ARHGAP6: variants seen among roughly 807,000 people sequenced by gnomAD.
ARHGAP6 encodes Rho GTPase activating protein 6.
ARHGAP6 carries 16 observed loss-of-function variants against 55.7 expected under a neutral mutation model. That is an observed-to-expected ratio of 0.29 (90% CI 0.19 to 0.44). The LOEUF is 0.44. ARHGAP6 is among the 20% of genes least tolerant of loss of function. ARHGAP6 has a pLI of 1.00. For synonymous variants in ARHGAP6, 382 were observed against 360.9 expected, an observed-to-expected ratio of 1.06 and a Z score of -0.66; for missense variants, 698 against 808.9, an observed-to-expected ratio of 0.86 and a Z score of 1.66.
chrX:11,567,553 CA>C (rs200460504), intron 1 of ARHGAP6, among the ~76,000 whole-genome samples: 7,395 of 71,723 alleles, frequency 0.1, 603 homozygotes, highest in Admixed American at 0.21. Flanking sequence ...GACTCCATCT[CA>C]AAAAAAAAAA....
intron 1 of ARHGAP6, among the ~76,000 whole-genome samples, chrX:11,609,364 A>G (rs1357974119): frequency 8.9e-6 from 1 of 112,041 alleles, no homozygotes; most frequent in African/African-American, 3.3e-5. Flanking sequence ...GCACTCTCTG[A>G]GAAACCAGAA....
At chrX:11,363,556 T>C (rs1473255040) in intron 1 of ARHGAP6, among the ~76,000 whole-genome samples, 1 of 112,103 alleles carries the variant, frequency 8.9e-6, no homozygotes, top group African/African-American at 3.2e-5. Flanking sequence ...CTCAGCAATG[T>C]AGAGGTAACT....
intron 1 of ARHGAP6, among the ~76,000 whole-genome samples, chrX:11,367,218 A>G (rs949388838): frequency 1.8e-5 from 2 of 112,271 alleles, no homozygotes; most frequent in African/African-American, 6.5e-5. Context: ...ATAGATGAGC[A>G]TGTGAACTAG....
At chrX:11,310,137 A>T (rs1603055181) in intron 1 of ARHGAP6, among the ~76,000 whole-genome samples, 1 of 95,465 alleles carries the variant, frequency 1.0e-5, no homozygotes, top group African/African-American at 4.0e-5. Context: ...TTCCAACCTA[A>T]GTGACAGAGT....
At chrX:11,573,071 G>T (rs1446154819) in intron 1 of ARHGAP6, among the ~76,000 whole-genome samples, 1 of 111,541 alleles carries the variant, frequency 9.0e-6, no homozygotes. Context: ...GTTCATTGTA[G>T]ATTCTGAATA....
chrX:11,580,398 C>T (rs890939630), intron 1 of ARHGAP6, among the ~76,000 whole-genome samples: 2 of 111,761 alleles, frequency 1.8e-5, no homozygotes, highest in African/African-American at 6.5e-5. Flanking sequence ...GCTGGTTCAG[C>T]CAGGGTCCCT....
At chrX:11,578,588 T>C (rs909765111) in intron 1 of ARHGAP6, among the ~76,000 whole-genome samples, 1 of 112,173 alleles carries the variant, frequency 8.9e-6, no homozygotes, top group African/African-American at 3.2e-5. Flanking sequence ...GAAGGGACTG[T>C]AAACCAGTTC....
intron 1 of ARHGAP6, among the ~76,000 whole-genome samples, chrX:11,392,345 C>T (rs1318691798): frequency 9.0e-6 from 1 of 111,384 alleles, no homozygotes; most frequent in Non-Finnish European, 1.9e-5. Context: ...CAACCCCACC[C>T]CATCACTCTC....
chrX:11,324,952 G>A (rs1035644912), intron 1 of ARHGAP6, among the ~76,000 whole-genome samples: 25 of 111,734 alleles, frequency 2.2e-4, no homozygotes, highest in Non-Finnish European at 4.5e-4. Context: ...TCCGCTTCCC[G>A]GGTTCACGCC....
Position 11,392,440 on chromosome X carries a change from C to T in ARHGAP6, c.589-137733G>A, listed in dbSNP as rs141927037. On this transcript the variant is annotated intron_variant, in intron 1 of 12. Transcript: ENST00000337414. ...TAAATGGCCAGTGAGCTCAAAGAAACCCACAACCATTCCCATGCCCTGCTG... is the reference window on the plus strand; with the variant it reads ...TAAATGGCCAGTGAGCTCAAAGAAATCCACAACCATTCCCATGCCCTGCTG... Among the ~76,000 whole-genome samples the T allele has an allele frequency of 5.4e-3, 603 of 111,614 alleles. 3 individuals carry two copies. Among genetic ancestry groups the T allele is most frequent in the African/African-American group, 0.019 (577 of 30,708 alleles).
intron 1 of ARHGAP6, among the ~76,000 whole-genome samples, chrX:11,311,392 A>G (rs757941496): frequency 1.0e-3 from 117 of 111,827 alleles, no homozygotes; most frequent in African/African-American, 3.5e-3. Context: ...GCCCTTGAAC[A>G]TTATTTTCTT....
intron 1 of ARHGAP6, among the ~76,000 whole-genome samples, chrX:11,453,795 CAT>C (rs764487269): frequency 1.3e-4 from 15 of 111,858 alleles, no homozygotes; most frequent in Non-Finnish European, 2.4e-4. Flanking sequence ...AGCCTGCAAA[CAT>C]ACATGTCAAC....
intron 3 of ARHGAP6, among the ~76,000 whole-genome samples, chrX:11,189,596 C>A (rs2046428090): frequency 9.0e-6 from 1 of 110,785 alleles, no homozygotes; most frequent in African/African-American, 3.3e-5. Context: ...CTATTTCCAG[C>A]CAGCTATGTT....
rs750661478 is a variant in ARHGAP6, at chrX:11,630,785, T to C, written c.588+33456A>G. ...TCCTTTGACTGGCAATAAGACAAAA[T>C]ACTCTGAGCAAAGCTTTGAAGTTAG... On this transcript the variant is annotated intron_variant, in intron 1 of 12. Coordinates refer to ENST00000337414, the MANE Select transcript of ARHGAP6 (RefSeq NM_013427.3). Among the ~76,000 whole-genome samples, 3 of 112,285 alleles carry C rather than the reference T, an allele frequency of 2.7e-5. No homozygotes were observed. In the East Asian group the frequency reaches 8.4e-4, roughly 31 times the overall value.
chrX:11,419,127 C>A (rs1182307408), intron 1 of ARHGAP6, among the ~76,000 whole-genome samples: 1 of 111,905 alleles, frequency 8.9e-6, no homozygotes, highest in Non-Finnish European at 1.9e-5. Flanking sequence ...CTTCTCTGGA[C>A]ACATTGCCAG....
intron 1 of ARHGAP6, among the ~76,000 whole-genome samples, chrX:11,496,010 G>A (rs1384055152): frequency 8.9e-6 from 1 of 111,952 alleles, no homozygotes; most frequent in Non-Finnish European, 1.9e-5. Context: ...CAAACAACTA[G>A]GGTAAGCTGG....
At chrX:11,165,041 A>G (rs1290419815) in intron 9 of ARHGAP6, among the ~76,000 whole-genome samples, 2 of 112,201 alleles carry the variant, frequency 1.8e-5, no homozygotes, top group Non-Finnish European at 3.8e-5. Context: ...GTATCATTTT[A>G]TGTTAGCCAG....
chrX:11,641,660 G>A (rs182152917), intron 1 of ARHGAP6, among the ~76,000 whole-genome samples: 119 of 111,592 alleles, frequency 1.1e-3, no homozygotes, highest in African/African-American at 3.5e-3. Context: ...GCTGGTACAC[G>A]CATTATAAAT....
intron 1 of ARHGAP6, chrX:11,427,613 T>C: frequency 6.8e-6 from 6 of 882,376 alleles, no homozygotes; most frequent in Non-Finnish European, 8.4e-6. Context: ...CCGGGAGGAG[T>C]GGCGCGCCTT....
Sources: allele counts gnomAD v4.1 joint callset (sites outside exome capture counted in the v4.1 genomes callset), GRCh38; gene constraint gnomAD v4.1.1; transcripts MANE v1.5; gene names NCBI Gene and HGNC (gene_info 2026-07-23, HGNC 2026-07-21).